PRPF40B: variants seen among roughly 807,000 people sequenced by gnomAD.
PRPF40B encodes pre-mRNA-processing factor 40 homolog B.
A neutral mutation model predicts 124.5 loss-of-function variants in PRPF40B; 56 were observed. The observed-to-expected ratio is 0.45, with a 90% CI of 0.36 to 0.56. The LOEUF (loss-of-function observed/expected upper bound fraction) is 0.56, where lower values mean the gene tolerates loss of function less well. Among genes scored for constraint, PRPF40B ranks in the 20% least tolerant of loss-of-function variants. PRPF40B has a pLI of 0.00. For missense variants in PRPF40B, 1,053 were observed against 1,169.5 expected (o/e 0.90, Z 1.45); for synonymous variants, 443 against 426.4 (o/e 1.04, Z -0.48).
chr12:49,632,833 G>A, intron 5 of PRPF40B, 22 bp from the exon 6 acceptor site: 1 of 1,613,972 alleles, frequency 6.2e-7, no homozygotes, highest in African/African-American at 1.3e-5. Context: ...GACTTAGTAT[G>A]TATCCTTTGG....
In PRPF40B at chr12:49,636,703, T is replaced by C. The variant is rs767834251; in HGVS notation, c.1427-13T>C. On this transcript the variant is annotated splice_polypyrimidine_tract_variant and intron_variant, in intron 15 of 25. Transcript: ENST00000548825. ...CTGGGACAATGCCCGCGGAACCTCC[T>C]GCCTGTCTTTAGACATGGACAAGGA... The C allele has an allele frequency of 1.1e-5, 18 of 1,613,746 alleles. No homozygotes were observed. The highest frequency in any genetic ancestry group is 1.4e-5 in the Non-Finnish European group (16 of 1,179,754).
intron 1 of PRPF40B, among the ~76,000 whole-genome samples, chr12:49,627,402 G>A (rs146283891): frequency 3.9e-5 from 6 of 152,262 alleles, no homozygotes; most frequent in Middle Eastern, 3.4e-3. Context: ...ATATAAAAGC[G>A]GGCTCTGACT....
intron 5 of PRPF40B, 109 bp downstream of exon 5, chr12:49,632,732 G>A: frequency 6.3e-7 from 1 of 1,594,264 alleles, no homozygotes; most frequent in Non-Finnish European, 8.6e-7. Context: ...GGGATGCCAA[G>A]GAGTCTGGGA....
At chr12:49,641,841 C>CA in intron 18 of PRPF40B, 67 bp from the exon 19 acceptor site, 1 of 1,343,740 alleles carries the variant, frequency 7.4e-7, no homozygotes, top group South Asian at 1.2e-5. Context: ...GTAATGTGAC[C>CA]ACTCTGCCTG....
chr12:49,642,383 T>C lies in PRPF40B; in HGVS notation c.2022+11T>C, dbSNP rs758248712. Reference sequence around the variant, plus strand: ...ACTGCCTGGGAAGAGGTCAGGAGCGTAGCCTGGCCCCAAGCACCCCTCAAG... The same window carrying C: ...ACTGCCTGGGAAGAGGTCAGGAGCGCAGCCTGGCCCCAAGCACCCCTCAAG... On this transcript the variant is annotated intron_variant, in intron 20 of 25. Coordinates refer to ENST00000548825, the MANE Select transcript of PRPF40B (RefSeq NM_001031698.3). This position sits in a 1 kb window ranked among gnomAD's most constrained non-coding sequence, Gnocchi z 5.8. The C allele has an allele frequency of 3.7e-6, 6 of 1,612,968 alleles. No homozygotes were observed. Among genetic ancestry groups the C allele is most frequent in the Non-Finnish European group, 5.1e-6 (6 of 1,179,650 alleles).
At chr12:49,628,025 G>T (rs1940881449) in intron 1 of PRPF40B, among the ~76,000 whole-genome samples, 1 of 152,170 alleles carries the variant, frequency 6.6e-6, no homozygotes, top group Non-Finnish European at 1.5e-5. Context: ...AGGACCCAAA[G>T]ATGTTAGAGA....
In PRPF40B at chr12:49,635,130, G is replaced by C; in HGVS notation, c.1033G>C (p.Ala345Pro). 1 of 1,613,692 alleles carries C rather than the reference G, an allele frequency of 6.2e-7. No homozygotes were observed. ...GCCTAAACTGAGTGAGAAAAAGCAG[G>C]CATTCAATGCCTACAAGGCGCAGCG... ...ALPKLSEKKQ[A>P]FNAYKAQREK... Residue 345 changes from alanine (A) to proline (P), a missense_variant, in exon 13 of 26, where the codon GCA (alanine) becomes CCA (proline). Ala to Pro is a conservative substitution (Grantham distance 27, BLOSUM62 -1). This residue lies in a region of PRPF40B where 895 missense variants were observed against 1,052.2 expected (regional missense o/e 0.85). Coordinates refer to ENST00000548825, the MANE Select transcript of PRPF40B (RefSeq NM_001031698.3). The surrounding 1 kb of genome is among the most constrained non-coding windows in gnomAD (Gnocchi z 4.1).
At position 49,636,779 on chromosome 12, in the gene PRPF40B, A is replaced by G; in HGVS notation, c.1490A>G (p.Glu497Gly). 1 of 1,614,220 alleles carries G rather than the reference A, an allele frequency of 6.2e-7. No individual in the cohort carries two copies. The highest frequency in any genetic ancestry group is 8.5e-7 in the Non-Finnish European group (1 of 1,180,030). The change falls in exon 16 of 26, where the codon GAG becomes GGG. Residue 497 changes from glutamate (E) to glycine (G), a missense_variant. Glu to Gly is a moderately conservative substitution (Grantham distance 98, BLOSUM62 -2). This residue lies in a region of PRPF40B where 895 missense variants were observed against 1,052.2 expected (regional missense o/e 0.85). Coordinates refer to ENST00000548825, the MANE Select transcript of PRPF40B (RefSeq NM_001031698.3). ...EEHIRALEREEEEERERARLR... is the reference protein window; with the variant it reads ...EEHIRALEREGEEERERARLR... ...CACATCCGAGCTTTGGAGAGGGAAGAGGAGGAGGAACGGGAGCGGGCCCGG... is the reference window on the plus strand; with the variant it reads ...CACATCCGAGCTTTGGAGAGGGAAGGGGAGGAGGAACGGGAGCGGGCCCGG...
chr12:49,633,384 A>G (rs1042870051), intron 7 of PRPF40B, 43 bp from the exon 8 acceptor site: 9 of 1,612,902 alleles, frequency 5.6e-6, no homozygotes, highest in Non-Finnish European at 7.6e-6. Context: ...TGGCTGGAGA[A>G]CTTGCCCATC....
chr12:49,636,336 T>TA (rs1276885125), intron 15 of PRPF40B, among the ~76,000 whole-genome samples: 1 of 152,192 alleles, frequency 6.6e-6, no homozygotes, highest in Non-Finnish European at 1.5e-5. Context: ...TTGGTCACGT[T>TA]ACAATAGACT....
At chr12:49,643,174 T>C in intron 22 of PRPF40B, 49 bp from the exon 23 acceptor site, 3 of 1,608,052 alleles carry the variant, frequency 1.9e-6, no homozygotes, top group Non-Finnish European at 2.6e-6. Flanking sequence ...CGAGGGCTTC[T>C]GGAGGGCAGA....
intron 4 of PRPF40B, 47 bp from the exon 5 acceptor site, chr12:49,632,549 G>A (rs944230659): frequency 6.2e-6 from 10 of 1,606,518 alleles, no homozygotes; most frequent in East Asian, 2.2e-5. Flanking sequence ...GGTCCTGGGG[G>A]CCACTGGGCT....
chr12:49,642,207 CCCTGTTCCGTGT>C lies in PRPF40B; in HGVS notation c.1885-25_1885-14del. 1 of 1,614,098 alleles carries C rather than the reference CCCTGTTCCGTGT, an allele frequency of 6.2e-7. No homozygotes were observed. The highest frequency in any genetic ancestry group is 1.1e-5 in the South Asian group (1 of 91,090). ...ACCTGGCATCCACCCTCCTGGGTGA[CCCTGTTCCGTGT>C]CCCTTCTTTCCTCAGCTGCTGGAGA... On this transcript the variant is annotated splice_polypyrimidine_tract_variant and intron_variant, in intron 19 of 25. Coordinates refer to ENST00000548825, the MANE Select transcript of PRPF40B (RefSeq NM_001031698.3). The surrounding 1 kb of genome is among the most constrained non-coding windows in gnomAD (Gnocchi z 5.8).
chr12:49,642,456 C>T lies in PRPF40B; in HGVS notation c.2022+84C>T. Reference sequence around the variant, plus strand: ...CACTGAGGGCCCACCCCAGTCACGTCACAGCCCTGGGCCAGCTCCAGTTCC... The same window carrying T: ...CACTGAGGGCCCACCCCAGTCACGTTACAGCCCTGGGCCAGCTCCAGTTCC... On this transcript the variant is annotated intron_variant, in intron 20 of 25. Transcript: ENST00000548825. This position sits in a 1 kb window ranked among gnomAD's most constrained non-coding sequence, Gnocchi z 5.8. The T allele has an allele frequency of 6.3e-7, 1 of 1,576,614 alleles. No homozygotes were observed. Among genetic ancestry groups the T allele is most frequent in the South Asian group, 1.1e-5 (1 of 89,664 alleles).
intron 23 of PRPF40B, 44 bp from the exon 24 acceptor site, chr12:49,643,647 G>C: frequency 6.3e-7 from 1 of 1,589,028 alleles, no homozygotes; most frequent in Non-Finnish European, 8.6e-7. Flanking sequence ...AAAAGAGCCT[G>C]TCTTTCTCCT....
In PRPF40B at chr12:49,634,582, G is replaced by A. The variant is rs772026255; in HGVS notation, c.981G>A (p.Val327=). 6.2e-7 allele frequency: 1 copy of A among 1,614,154 alleles called. No individual in the cohort carries two copies. Among genetic ancestry groups the A allele is most frequent in the Non-Finnish European group, 8.5e-7 (1 of 1,180,018 alleles). Residue 327 remains valine (V), a synonymous_variant, in exon 12 of 26, where the codon GTG becomes GTA. Transcript: ENST00000548825. ...NASWEQAMKM[V]VTDPRYSALP... ...CATGGGAACAGGCCATGAAGATGGTGGTCACCGACCCCCGTTACAGGTAGG... is the reference window on the plus strand; with the variant it reads ...CATGGGAACAGGCCATGAAGATGGTAGTCACCGACCCCCGTTACAGGTAGG...
intron 18 of PRPF40B, 24 bp downstream of exon 18, chr12:49,637,848 T>C: frequency 6.4e-7 from 1 of 1,559,510 alleles, no homozygotes. Flanking sequence ...GGGTTATGGA[T>C]GGATACAGGA....
At chr12:49,636,152 G>A (rs962518487) in intron 15 of PRPF40B, among the ~76,000 whole-genome samples, 159 bp downstream of exon 15, 3 of 152,084 alleles carry the variant, frequency 2.0e-5, no homozygotes, top group Non-Finnish European at 4.4e-5. Flanking sequence ...TTGGACTCCG[G>A]GGATACCAGA....
Position 49,632,996 on chromosome 12 carries a change from G to GGGGGGGCCC in PRPF40B, c.349-18_349-17insGGGGGGCCC. 7 of 1,147,384 alleles carry GGGGGGGCCC rather than the reference G, an allele frequency of 6.1e-6. No individual in the cohort carries two copies. The highest frequency in any genetic ancestry group is 8.5e-6 in the Non-Finnish European group (7 of 822,998). The allele number at this position is 1,147,384 out of a possible 1,614,324, so 71.1% of individuals were successfully genotyped here. On this transcript the variant is annotated splice_polypyrimidine_tract_variant and intron_variant, in intron 6 of 25. Transcript: ENST00000548825. ...AAAGGGGCCTTGACCACCATTCTGT[G>GGGGGGGCCC]CCCCCCCCCCCACCCAGAGGGCCCT...
Sources: allele counts gnomAD v4.1 joint callset (sites outside exome capture counted in the v4.1 genomes callset), GRCh38; gene constraint gnomAD v4.1.1; regional missense constraint gnomAD v4.1.1; non-coding constraint Gnocchi (gnomAD v3.1); transcripts MANE v1.5; gene names NCBI Gene and HGNC (gene_info 2026-07-23, HGNC 2026-07-21).